Variants in NEO1 observed in about 807,000 individuals in gnomAD.
NEO1 encodes the protein neogenin.
A neutral mutation model predicts 159.7 loss-of-function variants in NEO1; 63 were observed. The ratio of observed to expected loss-of-function variants is 0.39; its 90% CI spans 0.32 to 0.49. The LOEUF (loss-of-function observed/expected upper bound fraction) is 0.49, where lower values mean the gene tolerates loss of function less well. Ranked by LOEUF, NEO1 falls within the 20% of genes least tolerant of loss-of-function variation. NEO1 has a pLI of 0.85. For missense variants in NEO1, 1,615 were observed against 1,831.0 expected, an observed-to-expected ratio of 0.88 and a Z score of 2.15; for synonymous variants, 633 against 662.0, an observed-to-expected ratio of 0.96 and a Z score of 0.67.
chr15:73,161,287 G>T (rs1286316504), intron 5 of NEO1, among the ~76,000 whole-genome samples: 3 of 152,162 alleles, frequency 2.0e-5, no homozygotes, highest in Non-Finnish European at 2.9e-5. Flanking sequence ...TGTAAGAAAT[G>T]AGATACAAAT....
intron 1 of NEO1, among the ~76,000 whole-genome samples, chr15:73,062,616 G>A (rs2068032408): frequency 6.6e-6 from 1 of 152,172 alleles, no homozygotes; most frequent in Non-Finnish European, 1.5e-5. Context: ...GTAACAAATA[G>A]GAATTGAAAC....
At chr15:73,126,597 C>G in intron 4 of NEO1, 27 bp downstream of exon 4, 1 of 1,601,772 alleles carries the variant, frequency 6.2e-7, no homozygotes. Flanking sequence ...TAAAAGCCTT[C>G]TTCAGCCTTA....
intron 18 of NEO1, among the ~76,000 whole-genome samples, chr15:73,271,538 G>A (rs1596545063): frequency 6.6e-6 from 1 of 152,226 alleles, no homozygotes; most frequent in Non-Finnish European, 1.5e-5. Context: ...TTGGCAGTAT[G>A]TTTGCAGAAT....
chr15:73,128,260 A>T (rs2030582286), intron 4 of NEO1, among the ~76,000 whole-genome samples: 1 of 150,842 alleles, frequency 6.6e-6, no homozygotes, highest in Admixed American at 6.6e-5. Flanking sequence ...TTTTTTGCCA[A>T]CTGAAACATA....
intron 5 of NEO1, among the ~76,000 whole-genome samples, chr15:73,154,906 T>C (rs981772960): frequency 2.0e-5 from 3 of 152,212 alleles, no homozygotes; most frequent in Admixed American, 2.0e-4. Flanking sequence ...CTAGTTGTTT[T>C]ATAAATTTGT....
intron 2 of NEO1, among the ~76,000 whole-genome samples, chr15:73,122,085 A>ACACATATATAT (rs1330648262): frequency 1.7e-5 from 2 of 114,974 alleles, no homozygotes; most frequent in Non-Finnish European, 3.7e-5. Flanking sequence ...ATATATATAT[A>ACACATATATAT]TATATATATA....
intron 25 of NEO1, among the ~76,000 whole-genome samples, chr15:73,291,504 G>C (rs2042163487): frequency 6.6e-6 from 1 of 152,174 alleles, no homozygotes; most frequent in Non-Finnish European, 1.5e-5. Flanking sequence ...TAGGTTTTCA[G>C]ATACTGTTTT....
At chr15:73,227,420 C>T (rs548294967) in intron 7 of NEO1, among the ~76,000 whole-genome samples, 1 of 152,030 alleles carries the variant, frequency 6.6e-6, no homozygotes, top group South Asian at 2.1e-4. Context: ...TGCTTGAACC[C>T]AGGAGGCAGA....
intron 7 of NEO1, among the ~76,000 whole-genome samples, chr15:73,195,974 T>C (rs1024802296): frequency 2.6e-5 from 4 of 152,224 alleles, no homozygotes; most frequent in African/African-American, 9.6e-5. Context: ...GGTTTATGAT[T>C]AGATGTCATG....
rs1004631941 is a variant in NEO1 at position 73,104,858 on chromosome 15, C to CA, written c.131-11681dup. Among the ~76,000 whole-genome samples the CA allele has an allele frequency of 2.2e-4, 33 of 152,174 alleles. 1 individual carries two copies. The highest frequency in any genetic ancestry group is 7.9e-4 in the African/African-American group (33 of 41,526). ...AGAGAGAGTGGAGGGGAAGGTGCCA[C>CA]ACACTTTTAAACAACCAGGTCTCAT... On this transcript the variant is annotated intron_variant, in intron 1 of 28. Transcript: ENST00000261908.
At chr15:73,095,033 AC>A (rs2069925181) in intron 1 of NEO1, among the ~76,000 whole-genome samples, 1 of 151,820 alleles carries the variant, frequency 6.6e-6, no homozygotes, top group Non-Finnish European at 1.5e-5. Flanking sequence ...ACATGGTGAA[AC>A]CCCGTCTCTA....
In NEO1 at chr15:73,274,702, T is replaced by C. The variant is rs1263491667; in HGVS notation, c.3171T>C (p.Ser1057=). The stretch of plus-strand genomic sequence containing the variant: ...TGCTTGGCCTGTTAGCGGACTCCTC[T>C]GATAAAATGCCTAATGATCAAGGTA... ...VQFRTPKADS[S]DKMPNDQASG... is the part of the protein sequence containing the mutation. The change falls in exon 21 of 29, where the codon TCT becomes TCC. Residue 1057 remains serine (S), a synonymous_variant. Coordinates refer to ENST00000261908, the MANE Select transcript of NEO1 (RefSeq NM_002499.4). 6.2e-7 allele frequency: 1 copy of C among 1,614,088 alleles called. No individual in the cohort carries two copies. Among genetic ancestry groups the C allele is most frequent in the South Asian group, 1.1e-5 (1 of 91,060 alleles).
intron 7 of NEO1, among the ~76,000 whole-genome samples, chr15:73,205,941 T>G (rs2037193968): frequency 6.6e-6 from 1 of 152,182 alleles, no homozygotes; most frequent in Admixed American, 6.5e-5. Context: ...AGAGCCTTAC[T>G]CTGTAGCCCA....
chr15:73,241,564 C>G (rs939262269), intron 8 of NEO1, among the ~76,000 whole-genome samples: 5 of 152,180 alleles, frequency 3.3e-5, no homozygotes, highest in Non-Finnish European at 7.3e-5. Flanking sequence ...GTGACTTTTC[C>G]TCACAAGCTA....
intron 1 of NEO1, among the ~76,000 whole-genome samples, chr15:73,115,453 A>C (rs1333537154): frequency 2.0e-5 from 3 of 152,116 alleles, no homozygotes; most frequent in African/African-American, 7.2e-5. Context: ...ATTGAATGTT[A>C]TTTCTTTTCC....
At chr15:73,111,227 T>G (rs888743280) in intron 1 of NEO1, among the ~76,000 whole-genome samples, 1 of 152,188 alleles carries the variant, frequency 6.6e-6, no homozygotes, top group Non-Finnish European at 1.5e-5. Flanking sequence ...TCTGTACATG[T>G]GTACATATTT....
intron 5 of NEO1, among the ~76,000 whole-genome samples, chr15:73,156,533 G>A (rs530716272): frequency 1.3e-5 from 2 of 152,296 alleles, no homozygotes; most frequent in African/African-American, 4.8e-5. Context: ...ATGGGCAATG[G>A]GAATAGCAGT....
At chr15:73,079,693 G>C (rs950947322) in intron 1 of NEO1, among the ~76,000 whole-genome samples, 4 of 152,150 alleles carry the variant, frequency 2.6e-5, no homozygotes, top group African/African-American at 9.7e-5. Context: ...TACTTGAATA[G>C]TTTCCCTTCA....
At chr15:73,173,984 C>T (rs527627176) in intron 5 of NEO1, among the ~76,000 whole-genome samples, 23 of 151,674 alleles carry the variant, frequency 1.5e-4, no homozygotes, top group African/African-American at 4.4e-4. Context: ...TCTGTAATCC[C>T]GGCTACTTGA....
Sources: allele counts gnomAD v4.1 joint callset (sites outside exome capture counted in the v4.1 genomes callset), GRCh38; gene constraint gnomAD v4.1.1; transcripts MANE v1.5; gene names NCBI Gene and HGNC (gene_info 2026-07-23, HGNC 2026-07-21).